CCDC62: variants seen among roughly 807,000 people sequenced by gnomAD.
CCDC62 encodes coiled-coil domain-containing protein 62.
A neutral mutation model predicts 80.8 loss-of-function variants in CCDC62; 72 were observed. That is an observed-to-expected ratio of 0.89 (90% CI 0.74 to 1.08). CCDC62 has a LOEUF of 1.08. CCDC62 is among the 50% of genes least tolerant of loss of function. CCDC62 has a pLI of 0.00. For synonymous variants in CCDC62, 286 were observed against 296.5 expected (o/e 0.96, Z 0.36); for missense variants, 704 against 809.4 (o/e 0.87, Z 1.58).
chr12:122,801,989 C>A, intron 9 of CCDC62, 137 bp downstream of exon 9: 3 of 894,246 alleles, frequency 3.4e-6, no homozygotes, highest in East Asian at 2.4e-5. Context: ...TCCTTAGGAC[C>A]AATGGTTCCC....
intron 10 of CCDC62, among the ~76,000 whole-genome samples, chr12:122,810,672 A>G (rs1315490582): frequency 2.6e-5 from 4 of 152,328 alleles, no homozygotes; most frequent in East Asian, 3.9e-4. Context: ...ATTACTGGGT[A>G]TATACCCAAA....
intron 5 of CCDC62, among the ~76,000 whole-genome samples, chr12:122,791,422 A>T (rs2030599284): frequency 6.6e-6 from 1 of 151,376 alleles, no homozygotes; most frequent in Admixed American, 6.6e-5. Context: ...TACAGGTGTG[A>T]GCCACTGCAC....
intron 10 of CCDC62, among the ~76,000 whole-genome samples, chr12:122,812,568 G>A (rs1341461144): frequency 8.7e-6 from 1 of 115,176 alleles, no homozygotes; most frequent in African/African-American, 2.9e-5. Context: ...GTGAAACCCC[G>A]TCTCTACTAA....
At position 122,818,743 on chromosome 12, in the gene CCDC62, T is replaced by C. The variant is rs139744616; in HGVS notation, c.2002-4623T>C. Among the ~76,000 whole-genome samples, 583 of 152,038 alleles carry C rather than the reference T, an allele frequency of 3.8e-3. 4 individuals are homozygous for C. Among genetic ancestry groups the C allele is most frequent in the African/African-American group, 0.013 (547 of 41,482 alleles). On this transcript the variant is annotated intron_variant, in intron 11 of 12. Transcript: ENST00000253079. ...TTCGAGACCAGCCTGGGCAAGATAGTGAGACCCCATTGCTAAAAAATAAAA... is the reference window on the plus strand; with the variant it reads ...TTCGAGACCAGCCTGGGCAAGATAGCGAGACCCCATTGCTAAAAAATAAAA...
chr12:122,817,792 G>A (rs1224434909), intron 11 of CCDC62, among the ~76,000 whole-genome samples: 1 of 151,880 alleles, frequency 6.6e-6, no homozygotes, highest in Non-Finnish European at 1.5e-5. Context: ...GTGTGTGTGT[G>A]CCTGCACATG....
intron 12 of CCDC62, among the ~76,000 whole-genome samples, chr12:122,825,046 A>G (rs894886300): frequency 6.6e-6 from 1 of 151,228 alleles, no homozygotes; most frequent in African/African-American, 2.4e-5. Context: ...AGATCGTGCC[A>G]TTGCACACCA....
At chr12:122,795,259 C>T (rs1286919371) in intron 6 of CCDC62, among the ~76,000 whole-genome samples, 1 of 151,582 alleles carries the variant, frequency 6.6e-6, no homozygotes, top group Non-Finnish European at 1.5e-5. Context: ...TTGTGTTGCC[C>T]AGGCTGGTCT....
intron 8 of CCDC62, among the ~76,000 whole-genome samples, chr12:122,798,855 G>A (rs1415526633): frequency 6.6e-6 from 1 of 151,998 alleles, no homozygotes; most frequent in African/African-American, 2.4e-5. Context: ...CGAGGCAGGT[G>A]GATCACGAGG....
Position 122,786,847 on chromosome 12 carries a change from C to G in CCDC62, c.498+1027C>G, listed in dbSNP as rs1408758399. On this transcript the variant is annotated intron_variant, in intron 4 of 12. Coordinates refer to ENST00000253079, the MANE Select transcript of CCDC62 (RefSeq NM_201435.5). ...AGGTGGCGGGCGCCTGTAGTCCCAG[C>G]TACTCGGGAGGCTGAGGCAGGAAAA... Among the ~76,000 whole-genome samples the G allele has an allele frequency of 2.6e-5, 4 of 152,206 alleles. No homozygotes were observed. The East Asian group carries it at 7.8e-4, about 30-fold the overall frequency.
At chr12:122,784,532 A>G (rs1027573259) in intron 3 of CCDC62, among the ~76,000 whole-genome samples, 7 of 151,648 alleles carry the variant, frequency 4.6e-5, no homozygotes, top group Non-Finnish European at 7.4e-5. Flanking sequence ...AAATAATGAT[A>G]ATAATAATAA....
chr12:122,804,882 AT>A (rs35218710), intron 9 of CCDC62, among the ~76,000 whole-genome samples: 72,867 of 104,490 alleles, frequency 0.7, 24,278 homozygotes, highest in Middle Eastern at 0.81. Context: ...ACTTGGTTCC[AT>A]TTTTTTTTTT....
chr12:122,822,564 T>C (rs1025481373), intron 11 of CCDC62, among the ~76,000 whole-genome samples: 2 of 140,098 alleles, frequency 1.4e-5, no homozygotes, highest in African/African-American at 5.4e-5. Flanking sequence ...TCTGCTTCTA[T>C]GAGTTCCACA....
intron 9 of CCDC62, among the ~76,000 whole-genome samples, chr12:122,802,055 T>G (rs1240626700): frequency 6.6e-6 from 1 of 152,184 alleles, no homozygotes; most frequent in Non-Finnish European, 1.5e-5. Flanking sequence ...TCTATTAGGT[T>G]CCAGGGATGT....
chr12:122,788,714 G>T, intron 4 of CCDC62, 44 bp from the exon 5 acceptor site: 2 of 1,227,400 alleles, frequency 1.6e-6, no homozygotes, highest in South Asian at 2.9e-5. Context: ...TGGTTAATTG[G>T]AATTTAAGAA....
At chr12:122,781,905 G>A (rs1463652802) in intron 3 of CCDC62, among the ~76,000 whole-genome samples, 1 of 151,570 alleles carries the variant, frequency 6.6e-6, no homozygotes, top group African/African-American at 2.4e-5. Context: ...TGAGCTGGGT[G>A]TGGGGGTGCA....
At chr12:122,802,655 C>T (rs1285582248) in intron 9 of CCDC62, among the ~76,000 whole-genome samples, 1 of 151,944 alleles carries the variant, frequency 6.6e-6, no homozygotes, top group African/African-American at 2.4e-5. Context: ...TTCCAGTGGT[C>T]CACCCACCTT....
At chr12:122,815,659 G>A (rs1317960040) in intron 11 of CCDC62, among the ~76,000 whole-genome samples, 1 of 151,388 alleles carries the variant, frequency 6.6e-6, no homozygotes, top group Non-Finnish European at 1.5e-5. Context: ...GTGTTAGCCA[G>A]GATGGTCTCC....
chr12:122,795,716 A>G (rs1217429546), intron 6 of CCDC62, among the ~76,000 whole-genome samples: 2 of 152,172 alleles, frequency 1.3e-5, no homozygotes, highest in African/African-American at 2.4e-5. Flanking sequence ...GTTCTTTTAC[A>G]TAGGCTGAGG....
At chr12:122,818,329 T>G (rs976377638) in intron 11 of CCDC62, among the ~76,000 whole-genome samples, 18 of 151,898 alleles carry the variant, frequency 1.2e-4, no homozygotes, top group African/African-American at 4.1e-4. Flanking sequence ...GGCGGGCGCC[T>G]GTAGTCCCGG....
Sources: allele counts gnomAD v4.1 joint callset (sites outside exome capture counted in the v4.1 genomes callset), GRCh38; gene constraint gnomAD v4.1.1; transcripts MANE v1.5; gene names NCBI Gene and HGNC (gene_info 2026-07-23, HGNC 2026-07-21).